Variants in TMEM248 observed in about 807,000 individuals in gnomAD.
TMEM248 encodes UPF0458 protein C7orf42.
In TMEM248, 9 loss-of-function variants were observed where a neutral mutation model predicts 30.3. The observed-to-expected ratio is 0.30, with a 90% CI of 0.18 to 0.52. The LOEUF (loss-of-function observed/expected upper bound fraction) is 0.52, where lower values mean the gene tolerates loss of function less well. TMEM248 is among the 20% of genes least tolerant of loss of function. TMEM248 has a pLI of 0.97. For missense variants in TMEM248, 338 were observed against 403.3 expected (o/e 0.84, Z 1.39); for synonymous variants, 184 against 154.4 (o/e 1.19, Z -1.42).
At chr7:66,934,916 A>G (rs184738486) in intron 1 of TMEM248, among the ~76,000 whole-genome samples, 1 of 151,908 alleles carries the variant, frequency 6.6e-6, no homozygotes, top group African/African-American at 2.4e-5. Context: ...TTAGCCAGGC[A>G]TGTTGGCATG....
intron 6 of TMEM248, among the ~76,000 whole-genome samples, chr7:66,954,223 C>T (rs1305824836): frequency 4.6e-5 from 7 of 151,038 alleles, no homozygotes; most frequent in Middle Eastern, 3.5e-3. Context: ...GGATCACAGG[C>T]GTGAGCCACT....
chr7:66,949,812 GT>G (rs1490615573), intron 4 of TMEM248, among the ~76,000 whole-genome samples: 1 of 150,306 alleles, frequency 6.7e-6, no homozygotes, highest in Non-Finnish European at 1.5e-5. Flanking sequence ...GGTTTTTTTT[GT>G]TGTTGGTTTT....
intron 1 of TMEM248, among the ~76,000 whole-genome samples, chr7:66,929,457 TAC>T (rs1431437037): frequency 1.5e-5 from 2 of 133,402 alleles, no homozygotes; most frequent in Non-Finnish European, 3.2e-5. Context: ...TTTTTTTTGA[TAC>T]AGACTCTTGC....
intron 1 of TMEM248, among the ~76,000 whole-genome samples, chr7:66,933,176 G>A (rs1791713061): frequency 1.3e-5 from 2 of 152,102 alleles, no homozygotes; most frequent in South Asian, 4.1e-4. Flanking sequence ...TTGTTTTGGT[G>A]GTTGTGGGGG....
In TMEM248 at chr7:66,931,756, G is replaced by A. The variant is rs909804096; in HGVS notation, c.-18-10092G>A. 4.1e-5 allele frequency among the ~76,000 whole-genome samples: 6 copies of A among 147,900 alleles called. No homozygotes were observed. In the East Asian group the frequency reaches 6.0e-4, roughly 15 times the overall value. ...GCCTCCCAAAGTGCTGGGATTACAG[G>A]TGTGAGTTATTGTGCCCAACCAGGA... is the stretch of plus-strand genomic sequence containing the variant. On this transcript the variant is annotated intron_variant, in intron 1 of 6. Coordinates refer to ENST00000341567, the MANE Select transcript of TMEM248 (RefSeq NM_017994.5).
In TMEM248 at chr7:66,950,993, C is replaced by T. The variant is rs769626744; in HGVS notation, c.638C>T (p.Thr213Met). ...HCVPDTYSNA[T>M]LWYKIFTTAR... ...GTTCCTGACACGTACAGCAACGCCA[C>T]GCTCTGGTACAAGATCTTCACAACT... The change falls in exon 5 of 7, where the codon ACG becomes ATG. Residue 213 changes from threonine to methionine, a missense_variant. Coordinates refer to ENST00000341567, the MANE Select transcript of TMEM248 (RefSeq NM_017994.5). 9.3e-6 allele frequency: 15 copies of T among 1,609,966 alleles called. No homozygotes were observed. Among genetic ancestry groups the T allele is most frequent in the South Asian group, 5.5e-5 (5 of 90,398 alleles).
At chr7:66,948,747 A>T (rs1792183199) in intron 4 of TMEM248, 53 bp downstream of exon 4, 4 of 1,568,412 alleles carry the variant, frequency 2.6e-6, no homozygotes, top group Non-Finnish European at 3.5e-6. Flanking sequence ...ACTTGCCGTG[A>T]GTACGGCTGG....
At position 66,957,784 on chromosome 7, in the gene TMEM248, G is replaced by A. The variant is rs558708828; in HGVS notation, c.*2262G>A. On this transcript the variant is annotated 3_prime_UTR_variant, in exon 7 of 7. Coordinates refer to ENST00000341567, the MANE Select transcript of TMEM248 (RefSeq NM_017994.5). ...GTGGCTGGAATCTGTAGCTAGGGGA[G>A]GGGCAACACTGTTAGATGTGAGGAA... is the stretch of plus-strand genomic sequence containing the variant. 1.3e-5 allele frequency: 2 copies of A among 152,166 alleles called. No individual in the cohort carries two copies. Among genetic ancestry groups the A allele is most frequent in the Non-Finnish European group, 2.9e-5 (2 of 68,038 alleles). The allele number at this position is 152,166 out of a possible 1,614,324, so 9.4% of individuals were successfully genotyped here. A position where few individuals can be genotyped will look rare whatever the true frequency, so the allele number is the denominator to read the frequency against.
intron 1 of TMEM248, among the ~76,000 whole-genome samples, chr7:66,938,211 T>A (rs1293550156): frequency 6.6e-6 from 1 of 152,198 alleles, no homozygotes; most frequent in African/African-American, 2.4e-5. Context: ...TGTTAGTTGT[T>A]TTTTGGTTGT....
At chr7:66,950,676 G>C (rs1274425357) in intron 4 of TMEM248, among the ~76,000 whole-genome samples, 1 of 152,154 alleles carries the variant, frequency 6.6e-6, no homozygotes, top group Non-Finnish European at 1.5e-5. Context: ...ACATGTGAGA[G>C]GACTGTAGGC....
chr7:66,927,172 G>T (rs1454450704), intron 1 of TMEM248, among the ~76,000 whole-genome samples: 1 of 152,140 alleles, frequency 6.6e-6, no homozygotes, highest in Admixed American at 6.6e-5. Flanking sequence ...TCTTGAGACT[G>T]TAGTGAATTT....
intron 1 of TMEM248, among the ~76,000 whole-genome samples, chr7:66,926,541 C>T (rs1435756735): frequency 6.6e-6 from 1 of 151,000 alleles, no homozygotes; most frequent in African/African-American, 2.4e-5. Flanking sequence ...GAGGCTGAAG[C>T]AGGAGAATCA....
chr7:66,938,395 A>G (rs753026056), intron 1 of TMEM248, among the ~76,000 whole-genome samples: 1 of 152,224 alleles, frequency 6.6e-6, no homozygotes, highest in Non-Finnish European at 1.5e-5. Context: ...GTTGTTGTTC[A>G]AATCAGTGAA....
At chr7:66,952,964 T>G (rs1243405691) in intron 5 of TMEM248, among the ~76,000 whole-genome samples, 3 of 151,962 alleles carry the variant, frequency 2.0e-5, no homozygotes, top group South Asian at 2.1e-4. Flanking sequence ...TCAGGCAGTG[T>G]GGGGGTGCAG....
At chr7:66,948,844 T>G in intron 4 of TMEM248, 150 bp downstream of exon 4, 1 of 893,220 alleles carries the variant, frequency 1.1e-6, no homozygotes, top group Non-Finnish European at 1.6e-6. Context: ...AAGGATTATT[T>G]AATTTGTCTA....
In TMEM248 at chr7:66,951,135, T is replaced by A. The variant is rs1792257892; in HGVS notation, c.780T>A (p.Asp260Glu). 6.4e-7 allele frequency: 1 copy of A among 1,573,138 alleles called. No homozygotes were observed. The highest frequency in any genetic ancestry group is 1.2e-5 in the South Asian group (1 of 84,638). The change falls in exon 5 of 7, where the codon GAT (aspartate) becomes GAA (glutamate). Residue 260 changes from aspartate to glutamate, a missense_variant and splice_region_variant. By Grantham distance (45) the Asp-to-Glu change is conservative (BLOSUM62 2). Transcript: ENST00000341567. Reference protein sequence around the residue: ...LNPKLTVIVPDDDRSLINLHL... With the variant: ...LNPKLTVIVPEDDRSLINLHL... ...CCAAGCTTACAGTGATTGTTCCAGA[T>A]GTAAGTGAGAAAAATTGTGTGTGTG...
At chr7:66,941,388 A>AG (rs1791947532) in intron 1 of TMEM248, among the ~76,000 whole-genome samples, 1 of 148,298 alleles carries the variant, frequency 6.7e-6, no homozygotes, top group South Asian at 2.1e-4. Flanking sequence ...CAAAAAAAAA[A>AG]AAAAAGAAAA....
chr7:66,929,076 T>C (rs890379346), intron 1 of TMEM248, among the ~76,000 whole-genome samples: 3 of 152,184 alleles, frequency 2.0e-5, no homozygotes, highest in Non-Finnish European at 2.9e-5. Context: ...GCAGGAGCCA[T>C]TGTGCCCTGC....
chr7:66,941,902 T>A lies in TMEM248; in HGVS notation c.37T>A (p.Tyr13Asn), dbSNP rs1240809219. Reference protein sequence around the residue: ...SINPLENLKVYISSRPPLVVF... With the variant: ...SINPLENLKVNISSRPPLVVF... ...CAACCCCCTGGAGAACCTGAAGGTG[T>A]ACATCAGCAGTCGGCCTCCCCTGGT... The change falls in exon 2 of 7, where the codon TAC becomes AAC. Residue 13 changes from tyrosine to asparagine, a missense_variant. Transcript: ENST00000341567. 1 of 1,613,994 alleles carries A rather than the reference T, an allele frequency of 6.2e-7. No individual in the cohort carries two copies. The highest frequency in any genetic ancestry group is 8.5e-7 in the Non-Finnish European group (1 of 1,180,020).
Sources: gnomAD v4.1 joint callset for allele counts (sites outside exome capture counted in the v4.1 genomes callset) on GRCh38, gnomAD v4.1.1 for gene constraint, MANE v1.5 for transcripts, NCBI Gene and HGNC (gene_info 2026-07-23, HGNC 2026-07-21) for gene names.